Variants in NAT10 observed in about 807,000 individuals in gnomAD.
The protein encoded by NAT10 is N-acetyltransferase 10.
In NAT10, 109 loss-of-function variants were observed where a neutral mutation model predicts 132.2. The ratio of observed to expected loss-of-function variants is 0.82; its 90% CI spans 0.71 to 0.97. The LOEUF (loss-of-function observed/expected upper bound fraction) is 0.97, where lower values mean the gene tolerates loss of function less well. Ranked by LOEUF, NAT10 falls within the 50% of genes least tolerant of loss-of-function variation. The probability of loss-of-function intolerance (pLI) is 0.00; values close to 1 mark genes in which losing one functional copy is unlikely to be tolerated. For synonymous variants in NAT10, 479 were observed against 478.0 expected (o/e 1.00, Z -0.03); for missense variants, 1,184 against 1,263.4 (o/e 0.94, Z 0.95).
intron 24 of NAT10, 146 bp from the exon 25 acceptor site, chr11:34,140,943 G>A: frequency 1.8e-6 from 2 of 1,110,714 alleles, no homozygotes; most frequent in South Asian, 3.0e-5. Flanking sequence ...TCAGTAACAG[G>A]ATGAAAGAGA....
At chr11:34,139,154 G>A in intron 21 of NAT10, 37 bp from the exon 22 acceptor site, 1 of 1,564,846 alleles carries the variant, frequency 6.4e-7, no homozygotes, top group African/African-American at 1.3e-5. Context: ...CAAAAAAAGG[G>A]GGTTCTTGGT....
chr11:34,116,002 T>C, intron 6 of NAT10, 118 bp downstream of exon 6: 1 of 889,852 alleles, frequency 1.1e-6, no homozygotes, highest in Non-Finnish European at 1.7e-6. Context: ...ATTCCAAAAA[T>C]GATGAGATTC....
chr11:34,108,673 AG>A (rs1446543579), intron 2 of NAT10, 68 bp from the exon 3 acceptor site: 1 of 1,386,388 alleles, frequency 7.2e-7, no homozygotes, highest in Non-Finnish European at 1.0e-6. Flanking sequence ...CCGTCAAATG[AG>A]GTCTTAAGCC....
In NAT10 at chr11:34,141,139, A is replaced by T; in HGVS notation, c.2643A>T (p.Glu881Asp). Residue 881 changes from glutamate (E) to aspartate (D), a missense_variant, in exon 25 of 29, where the codon GAA becomes GAT. Transcript: ENST00000257829. ...GLQHKSVDQL[E>D]KEIELPSGQL... ...AGCATAAGTCTGTGGACCAGCTGGA[A>T]AAGGAGATTGAGCTGCCCTCGGGCC... is the stretch of plus-strand genomic sequence containing the variant. 6.2e-7 allele frequency: 1 copy of T among 1,614,020 alleles called. No homozygotes were observed. Among genetic ancestry groups the T allele is most frequent in the South Asian group, 1.1e-5 (1 of 91,056 alleles).
In NAT10 at chr11:34,113,714, A is replaced by G. The variant is rs759506616; in HGVS notation, c.373-2A>G. 1.9e-6 allele frequency: 3 copies of G among 1,607,800 alleles called. No homozygotes were observed. Among genetic ancestry groups the G allele is most frequent in the Non-Finnish European group, 2.5e-6 (3 of 1,177,200 alleles). On this transcript the variant is annotated splice_acceptor_variant, in intron 4 of 28. Transcript: ENST00000257829. LOFTEE classifies it high-confidence loss of function. Reference sequence around the variant, plus strand: ...GCCCTTTCTAACGCCCCCTTCTTCCAGGATTTTGAAGCCTTAACTCCAAAC... The same window carrying G: ...GCCCTTTCTAACGCCCCCTTCTTCCGGGATTTTGAAGCCTTAACTCCAAAC...
chr11:34,130,044 A>ACACT (rs145244033), intron 12 of NAT10, among the ~76,000 whole-genome samples: 3,821 of 152,222 alleles, frequency 0.025, 132 homozygotes, highest in African/African-American at 0.087. Flanking sequence ...TGGGCATAAA[A>ACACT]CATCTAGCTT....
At chr11:34,134,733 G>T in intron 18 of NAT10, 147 bp downstream of exon 18, 1 of 719,632 alleles carries the variant, frequency 1.4e-6, no homozygotes. Flanking sequence ...CCAGGGTTCG[G>T]GGTGGGTGGG....
intron 13 of NAT10, among the ~76,000 whole-genome samples, 172 bp downstream of exon 13, chr11:34,131,109 G>A (rs1219425456): frequency 6.6e-6 from 1 of 152,120 alleles, no homozygotes; most frequent in Admixed American, 6.5e-5. Context: ...GCAGTCCAGT[G>A]ACCAGATGGG....
intron 3 of NAT10, 116 bp downstream of exon 3, chr11:34,108,949 T>A (rs964812675): frequency 5.4e-5 from 42 of 778,334 alleles, no homozygotes; most frequent in Non-Finnish European, 7.9e-5. Flanking sequence ...GTGCTATCTC[T>A]GAGGACAAAT....
At chr11:34,139,520 A>G in intron 23 of NAT10, 25 bp downstream of exon 23, 1 of 1,598,110 alleles carries the variant, frequency 6.3e-7, no homozygotes, top group Non-Finnish European at 8.6e-7. Context: ...GACAGGGAGG[A>G]GGGTTGGGAA....
At position 34,140,358 on chromosome 11, in the gene NAT10, G is replaced by A. The variant is rs1474557283; in HGVS notation, c.2420-42G>A. Reference sequence around the variant, plus strand: ...GGGCTGTGTGCTATCTCATGAGGGCGCCGGGTGACCTAACCTGTCTAGCTC... The same window carrying A: ...GGGCTGTGTGCTATCTCATGAGGGCACCGGGTGACCTAACCTGTCTAGCTC... On this transcript the variant is annotated intron_variant, in intron 23 of 28. Transcript: ENST00000257829. 6 of 1,580,512 alleles carry A rather than the reference G, an allele frequency of 3.8e-6. No homozygotes were observed. In the Admixed American group the frequency reaches 5.1e-5, roughly 14 times the overall value.
intron 1 of NAT10, 116 bp from the exon 2 acceptor site, chr11:34,108,091 TTAAG>T (rs1360495729): frequency 3.3e-5 from 22 of 659,064 alleles, no homozygotes; most frequent in Non-Finnish European, 5.3e-5. Flanking sequence ...TCGTAGAGGG[TTAAG>T]TAAGACAATA....
At chr11:34,115,800 T>C (rs773077632) in intron 5 of NAT10, 23 bp from the exon 6 acceptor site, 1 of 1,613,514 alleles carries the variant, frequency 6.2e-7, no homozygotes, top group Non-Finnish European at 8.5e-7. Context: ...CCTTTGTTAA[T>C]GGATGTTGTC....
chr11:34,134,175 G>T (rs1338064525), intron 16 of NAT10, 144 bp from the exon 17 acceptor site: 2 of 684,120 alleles, frequency 2.9e-6, no homozygotes, highest in Non-Finnish European at 5.2e-6. Flanking sequence ...AAAGAGCGGG[G>T]GGAATGGATG....
rs139767479 is a variant in NAT10, at chr11:34,133,032, C to G, written c.1624C>G (p.Pro542Ala). Residue 542 changes from proline to alanine, a missense_variant, in exon 16 of 29, where the codon CCC becomes GCC. By Grantham distance (27) the Pro-to-Ala change is conservative (BLOSUM62 -1). Transcript: ENST00000257829. ...LYVASHYKNS[P>A]NDLQMLSDAP... is the part of the protein sequence containing the mutation. ...CCGTGTTTGGCTTCCACAGAACTCT[C>G]CCAATGATCTCCAGATGCTCTCCGA... The G allele has an allele frequency of 6.2e-7, 1 of 1,613,848 alleles. No individual in the cohort carries two copies. The highest frequency in any genetic ancestry group is 8.5e-7 in the Non-Finnish European group (1 of 1,179,754).
chr11:34,109,520 C>T (rs1053386035), intron 3 of NAT10, among the ~76,000 whole-genome samples: 2 of 152,190 alleles, frequency 1.3e-5, no homozygotes, highest in African/African-American at 4.8e-5. Flanking sequence ...AGCTTGATGC[C>T]TAATGCGTCA....
intron 23 of NAT10, among the ~76,000 whole-genome samples, chr11:34,140,188 C>T (rs962011625): frequency 6.6e-6 from 1 of 152,162 alleles, no homozygotes; most frequent in South Asian, 2.1e-4. Flanking sequence ...GAGCAAGGGT[C>T]CTGTGGCAGC....
chr11:34,133,502 A>T (rs772241225), intron 16 of NAT10, among the ~76,000 whole-genome samples: 1 of 152,244 alleles, frequency 6.6e-6, no homozygotes, highest in South Asian at 2.1e-4. Context: ...AATGCCTAGC[A>T]TGGATGTATT....
intron 5 of NAT10, among the ~76,000 whole-genome samples, chr11:34,114,383 G>A (rs917230501): frequency 3.4e-5 from 5 of 147,166 alleles, no homozygotes; most frequent in African/African-American, 1.1e-4. Flanking sequence ...CTTTATCAGC[G>A]TTGCCAAGTC....
Sources: allele counts gnomAD v4.1 joint callset (sites outside exome capture counted in the v4.1 genomes callset), GRCh38; gene constraint gnomAD v4.1.1; transcripts MANE v1.5; gene names NCBI Gene and HGNC (gene_info 2026-07-23, HGNC 2026-07-21).